Variants in ABI2 observed in about 807,000 individuals in gnomAD.
ABI2 encodes abl interactor 2.
In ABI2, 25 loss-of-function variants were observed where a neutral mutation model predicts 59.2. The ratio of observed to expected loss-of-function variants is 0.42; its 90% CI spans 0.31 to 0.59. The LOEUF is 0.59. Ranked by LOEUF, ABI2 falls within the 20% of genes least tolerant of loss-of-function variation. ABI2 has a pLI of 0.14. For synonymous variants in ABI2, 213 were observed against 235.5 expected (o/e 0.90, Z 0.87); for missense variants, 545 against 681.8 (o/e 0.80, Z 2.23).
intron 1 of ABI2, among the ~76,000 whole-genome samples, chr2:203,342,889 G>A (rs911951254): frequency 1.3e-5 from 2 of 152,200 alleles, no homozygotes; most frequent in Admixed American, 6.5e-5. Context: ...TTAAATTTAT[G>A]GACATGAAAT....
At chr2:203,355,160 C>G in intron 1 of ABI2, 1 of 393,552 alleles carries the variant, frequency 2.5e-6, no homozygotes, top group South Asian at 1.9e-5. Context: ...CTAGGCTTTC[C>G]GTTTTGACAG....
chr2:203,382,228 T>C, intron 4 of ABI2, 22 bp downstream of exon 4: 1 of 1,524,668 alleles, frequency 6.6e-7, no homozygotes, highest in Non-Finnish European at 8.8e-7. Context: ...CAGGGCTGGA[T>C]TTCCATTCTT....
intron 11 of ABI2, among the ~76,000 whole-genome samples, chr2:203,422,858 C>T (rs1206428025): frequency 6.6e-6 from 1 of 152,090 alleles, no homozygotes; most frequent in African/African-American, 2.4e-5. Flanking sequence ...TGATAGTGTC[C>T]AGGTTAACTT....
At chr2:203,333,467 C>G (rs1372675002) in intron 1 of ABI2, among the ~76,000 whole-genome samples, 1 of 151,944 alleles carries the variant, frequency 6.6e-6, no homozygotes, top group African/African-American at 2.4e-5. Context: ...TATGTTCTTG[C>G]AAATGGGAGA....
At chr2:203,374,064 C>T (rs1462754853) in intron 2 of ABI2, among the ~76,000 whole-genome samples, 2 of 151,924 alleles carry the variant, frequency 1.3e-5, no homozygotes, top group Non-Finnish European at 1.5e-5. Context: ...GAGGCTGAGG[C>T]GGGAGTATCA....
At chr2:203,364,828 G>A (rs1411641475) in intron 1 of ABI2, among the ~76,000 whole-genome samples, 1 of 150,692 alleles carries the variant, frequency 6.6e-6, no homozygotes, top group African/African-American at 2.4e-5. Flanking sequence ...TTGGCTTCTG[G>A]GCTCAAGTCA....
rs552210649 is a variant in ABI2 at position 203,385,166 on chromosome 2, C to T, written c.480+2960C>T. ...TTTTTTTTTTTTGAGACAGTCTTGC[C>T]GTTGCCCAGGCTGGAGTGCAGTGGT... On this transcript the variant is annotated intron_variant, in intron 4 of 11. Coordinates refer to ENST00000261018, the MANE Select transcript of ABI2 (RefSeq NM_001375670.1). 5.6e-4 allele frequency among the ~76,000 whole-genome samples: 20 copies of T among 35,760 alleles called. 1 individual carries two copies. The highest frequency in any genetic ancestry group is 8.7e-4 in the Non-Finnish European group (11 of 12,632). 23.5% of individuals were successfully genotyped at this position (35,760 alleles called of 152,430 possible).
chr2:203,416,286 A>G (rs1441465017), intron 10 of ABI2, among the ~76,000 whole-genome samples: 2 of 151,038 alleles, frequency 1.3e-5, no homozygotes, highest in East Asian at 1.9e-4. Context: ...CTTATTTTTT[A>G]TTGTTTATTT....
intron 2 of ABI2, among the ~76,000 whole-genome samples, chr2:203,379,913 G>A (rs536168803): frequency 6.6e-6 from 1 of 152,094 alleles, no homozygotes; most frequent in Non-Finnish European, 1.5e-5. Flanking sequence ...TAATTTTCAC[G>A]TGAAGGTTTT....
chr2:203,406,829 C>T (rs1281824591), intron 9 of ABI2, among the ~76,000 whole-genome samples: 1 of 151,304 alleles, frequency 6.6e-6, no homozygotes, highest in Non-Finnish European at 1.5e-5. Flanking sequence ...ACGCCTGGCT[C>T]TTTTTTTTTC....
chr2:203,359,830 C>T (rs1160508450), intron 1 of ABI2, among the ~76,000 whole-genome samples: 2 of 106,752 alleles, frequency 1.9e-5, no homozygotes, highest in African/African-American at 6.4e-5. Flanking sequence ...TGTTAGGTTC[C>T]AACATGTACA....
At chr2:203,384,307 T>TTTGTTTTTTG (rs1559289547) in intron 4 of ABI2, among the ~76,000 whole-genome samples, 1 of 115,492 alleles carries the variant, frequency 8.7e-6, no homozygotes, top group Non-Finnish European at 2.0e-5. Flanking sequence ...TTTTTTTTTT[T>TTTGTTTTTTG]TTTTTTTTTT....
At chr2:203,355,829 C>CAAAAAAAAAAAAAAAAAAAAAAAAAAAAA (rs771519788) in intron 1 of ABI2, among the ~76,000 whole-genome samples, 1 of 68,512 alleles carries the variant, frequency 1.5e-5, no homozygotes, top group Non-Finnish European at 2.7e-5. Context: ...AAAACTGTCT[C>CAAAAAAAAAAAAAAAAAAAAAAAAAAAAA]AAAAAAAAAA....
chr2:203,386,920 A>G (rs1248236889), intron 4 of ABI2, among the ~76,000 whole-genome samples: 2 of 152,134 alleles, frequency 1.3e-5, no homozygotes, highest in Non-Finnish European at 2.9e-5. Flanking sequence ...GATTACAGGC[A>G]TGAGCCACCA....
Position 203,388,363 on chromosome 2 carries a change from G to A in ABI2, c.481-2683G>A, listed in dbSNP as rs1275358961. 2.0e-5 allele frequency among the ~76,000 whole-genome samples: 3 copies of A among 152,062 alleles called. No homozygotes were observed. In the South Asian group the frequency reaches 6.2e-4, roughly 32 times the overall value. ...TATACAGTCATTTGATGATTCTACA[G>A]ATCATAAAATGTACCAAGTTATATT... On this transcript the variant is annotated intron_variant, in intron 4 of 11. Coordinates refer to ENST00000261018, the MANE Select transcript of ABI2 (RefSeq NM_001375670.1).
At chr2:203,332,919 A>G (rs2074551774) in intron 1 of ABI2, among the ~76,000 whole-genome samples, 1 of 152,222 alleles carries the variant, frequency 6.6e-6, no homozygotes, top group South Asian at 2.1e-4. Flanking sequence ...GATTAAGAGT[A>G]GAATCATCCC....
intron 2 of ABI2, chr2:203,376,135 A>G: frequency 6.5e-7 from 1 of 1,531,278 alleles, no homozygotes. Context: ...TGAATGAGGT[A>G]AGGGACCAGC....
chr2:203,345,367 C>T (rs75635810), intron 1 of ABI2, among the ~76,000 whole-genome samples: 2 of 152,130 alleles, frequency 1.3e-5, no homozygotes, highest in African/African-American at 4.8e-5. Flanking sequence ...GAACAAACTC[C>T]GGACACACCA....
At chr2:203,337,496 C>T (rs760643861) in intron 1 of ABI2, among the ~76,000 whole-genome samples, 29 of 152,138 alleles carry the variant, frequency 1.9e-4, no homozygotes, top group Non-Finnish European at 4.1e-4. Context: ...GAAGAACATG[C>T]AAATAAATGG....
Sources: gnomAD v4.1 joint callset for allele counts (sites outside exome capture counted in the v4.1 genomes callset) on GRCh38, gnomAD v4.1.1 for gene constraint, MANE v1.5 for transcripts, NCBI Gene and HGNC (gene_info 2026-07-23, HGNC 2026-07-21) for gene names.